Variants in NKPD1 observed in about 807,000 individuals in gnomAD.
NKPD1 encodes the protein NTPase KAP family P-loop domain-containing protein 1.
In NKPD1, 37 loss-of-function variants were observed where a neutral mutation model predicts 42.2. The ratio of observed to expected loss-of-function variants is 0.88; its 90% confidence interval spans 0.67 to 1.15. The LOEUF is 1.15. NKPD1 is among the 50% of genes most tolerant of loss of function. The pLI is 0.00. For missense variants in NKPD1, 1,113 were observed against 1,174.6 expected (o/e 0.95, Z 0.77); for synonymous variants, 552 against 536.5 (o/e 1.03, Z -0.40).
At position 45,153,610 on chromosome 19, in the gene NKPD1, A is replaced by C; in HGVS notation, c.827T>G (p.Phe276Cys). The C allele has an allele frequency of 6.3e-7, 1 of 1,577,034 alleles. No individual in the cohort carries two copies. Reference protein sequence around the residue: ...EVHLRRRNVQFLFIRFSAWQY... With the variant: ...EVHLRRRNVQCLFIRFSAWQY... ...CCAGGCGCTAAAGCGGATGAAAAGGAACTGCACGTTCCTGCGCCGCAGGTG... is the reference window on the plus strand; with the variant it reads ...CCAGGCGCTAAAGCGGATGAAAAGGCACTGCACGTTCCTGCGCCGCAGGTG... The change falls in exon 5 of 5, where the codon TTC (phenylalanine) becomes TGC (cysteine). Residue 276 changes from phenylalanine to cysteine, a missense_variant. Phe to Cys is a radical substitution (Grantham distance 205, BLOSUM62 -2). Coordinates refer to ENST00000686631, the MANE Select transcript of NKPD1 (RefSeq NM_198478.4).
rs1041776616 is a variant in NKPD1 at position 45,150,699 on chromosome 19, C to G, written c.*1239G>C. ...GAAGATCATAGAGGGCTCCCACTGA[C>G]CTGCATGCACCTGTGACAATTGCTG... On this transcript the variant is annotated 3_prime_UTR_variant, in exon 5 of 5. Transcript: ENST00000686631. 6.6e-6 allele frequency: 1 copy of G among 152,290 alleles called. No homozygotes were observed. Among genetic ancestry groups the G allele is most frequent in the Non-Finnish European group, 1.5e-5 (1 of 68,102 alleles). 9.4% of individuals were successfully genotyped at this position (152,290 alleles called of 1,614,324 possible).
At position 45,160,359 on chromosome 19, in the gene NKPD1, G is replaced by A. The variant is rs565805493; in HGVS notation, c.-71-138C>T. On this transcript the variant is annotated intron_variant, in intron 1 of 4. Coordinates refer to ENST00000686631, the MANE Select transcript of NKPD1 (RefSeq NM_198478.4). ...GGGTAGAGGTGGCCTTCAGGGTACA[G>A]TGAGGGGCAGGATAAGGAGGGATGG... is the stretch of plus-strand genomic sequence containing the variant. Among the ~76,000 whole-genome samples, 70 of 152,328 alleles carry A rather than the reference G, an allele frequency of 4.6e-4. No homozygotes were observed. The South Asian group carries it at 7.5e-3, about 16-fold the overall frequency.
intron 3 of NKPD1, among the ~76,000 whole-genome samples, chr19:45,157,982 C>G (rs1368104227): frequency 6.6e-6 from 1 of 151,658 alleles, no homozygotes; most frequent in Non-Finnish European, 1.5e-5. Context: ...GCTTCAGCCT[C>G]CCAAAGTGCT....
intron 4 of NKPD1, among the ~76,000 whole-genome samples, chr19:45,155,217 C>T (rs1043665075): frequency 1.3e-5 from 2 of 151,982 alleles, no homozygotes; most frequent in Admixed American, 6.6e-5. Flanking sequence ...ACTTGGGAGG[C>T]TGAGGCAGGA....
Position 45,158,594 on chromosome 19 carries a change from A to G in NKPD1, c.529+69T>C, listed in dbSNP as rs967398978. On this transcript the variant is annotated intron_variant, in intron 3 of 4. Coordinates refer to ENST00000686631, the MANE Select transcript of NKPD1 (RefSeq NM_198478.4). The surrounding 1 kb of genome is among the most constrained non-coding windows in gnomAD (Gnocchi z 4.6). ...AGGTGCAAGATGCTAGGCAGGGAGC[A>G]AGGAGAGCAGGTGGGAAGTGAGGCG... 1.7e-5 allele frequency: 19 copies of G among 1,142,254 alleles called. No individual in the cohort carries two copies. Among genetic ancestry groups the G allele is most frequent in the Middle Eastern group, 4.0e-4 (1 of 2,504 alleles). The allele number at this position is 1,142,254 out of a possible 1,614,324, so 70.8% of individuals were successfully genotyped here. A position where few individuals can be genotyped will look rare whatever the true frequency, so the allele number is the denominator to read the frequency against.
At chr19:45,161,948 C>A (rs1019018829), upstream of NKPD1, among the ~76,000 whole-genome samples, 1 of 151,294 alleles carries the variant, frequency 6.6e-6, no homozygotes, top group Non-Finnish European at 1.5e-5. Flanking sequence ...AAACACTGCT[C>A]CCTACGGCCA....
rs2122801949 is a variant in NKPD1 at position 45,160,170 on chromosome 19, G to A, written c.-20C>T. 7.7e-7 allele frequency: 1 copy of A among 1,293,400 alleles called. No homozygotes were observed. The highest frequency in any genetic ancestry group is 5.6e-5 in the East Asian group (1 of 17,930). 80.1% of individuals were successfully genotyped at this position (1,293,400 alleles called of 1,614,324 possible). ...GTGCATGGCAGCCGGGCAGCTGGGT[G>A]CTGGGGGCCTGCTCCTGAGGCAGGA... On this transcript the variant is annotated 5_prime_UTR_variant, in exon 2 of 5. Coordinates refer to ENST00000686631, the MANE Select transcript of NKPD1 (RefSeq NM_198478.4).
At position 45,152,856 on chromosome 19, in the gene NKPD1, G is replaced by C; in HGVS notation, c.1581C>G (p.Phe527Leu). The change falls in exon 5 of 5, where the codon TTC becomes TTG. Residue 527 changes from phenylalanine to leucine, a missense_variant. Physicochemically the swap from Phe to Leu is conservative, Grantham distance 22 (BLOSUM62 0). Transcript: ENST00000686631. ...TGCGGCGGCCCATAATGGGCACAGAGAAGGGCAGCGTGACAGTGCGGTTGA... is the reference window on the plus strand; with the variant it reads ...TGCGGCGGCCCATAATGGGCACAGACAAGGGCAGCGTGACAGTGCGGTTGA... ...LFLNRTVTLP[F>L]SVPIMGRRTK... The C allele has an allele frequency of 6.3e-7, 1 of 1,592,094 alleles. No individual in the cohort carries two copies. Among genetic ancestry groups the C allele is most frequent in the African/African-American group, 1.3e-5 (1 of 74,598 alleles).
chr19:45,152,421 C>T lies in NKPD1; in HGVS notation c.2016G>A (p.Gln672=), dbSNP rs1968803830. Residue 672 remains glutamine, a synonymous_variant, in exon 5 of 5, where the codon CAG becomes CAA. Coordinates refer to ENST00000686631, the MANE Select transcript of NKPD1 (RefSeq NM_198478.4). Reference sequence around the variant, plus strand: ...CGGTCTGCTGCCGGTCCTCCAGGCACTGCAGCGCCCAGCTCAGGCGGCACG... The same window carrying T: ...CGGTCTGCTGCCGGTCCTCCAGGCATTGCAGCGCCCAGCTCAGGCGGCACG... ...QWPCRLSWAL[Q]CLEDRQQTGG... is the part of the protein sequence containing the mutation. 6 of 1,570,072 alleles carry T rather than the reference C, an allele frequency of 3.8e-6. No homozygotes were observed. Among genetic ancestry groups the T allele is most frequent in the Non-Finnish European group, 5.2e-6 (6 of 1,160,116 alleles).
At chr19:45,159,881 C>CG (rs1328927840) in intron 2 of NKPD1, among the ~76,000 whole-genome samples, 179 bp downstream of exon 2, 2 of 152,220 alleles carry the variant, frequency 1.3e-5, no homozygotes, top group East Asian at 3.9e-4. Context: ...TCTTTGGGCC[C>CG]GCAGGCCCTG....
At position 45,160,213 on chromosome 19, in the gene NKPD1, G is replaced by GCGT. The variant is rs896624266; in HGVS notation, c.-66_-64dup. 5 of 1,059,402 alleles carry GCGT rather than the reference G, an allele frequency of 4.7e-6. No homozygotes were observed. In the Admixed American group the frequency reaches 1.2e-4, roughly 25 times the overall value. The allele number at this position is 1,059,402 out of a possible 1,614,324, so 65.6% of individuals were successfully genotyped here. A position where few individuals can be genotyped will look rare whatever the true frequency, so the allele number is the denominator to read the frequency against. ...AGGCAGGAGGGAGCACACAGGCTTG[G>GCGT]CGTAGCCTCTGGGGCACGAACAGCA... On this transcript the variant is annotated 5_prime_UTR_variant, in exon 2 of 5. Transcript: ENST00000686631.
At chr19:45,161,717 C>G (rs914004055), upstream of NKPD1, among the ~76,000 whole-genome samples, 11 of 152,346 alleles carry the variant, frequency 7.2e-5, no homozygotes, top group South Asian at 2.1e-4. Flanking sequence ...CACAGATGCC[C>G]TCTGAGGGGT....
chr19:45,153,588 G>C lies in NKPD1; in HGVS notation c.849C>G (p.Ala283=). The part of the protein sequence containing the change: ...NVQFLFIRFS[A]WQYAGTDKLW... ...GCTTGTCGGTGCCCGCGTACTGCCA[G>C]GCGCTAAAGCGGATGAAAAGGAACT... is the stretch of plus-strand genomic sequence containing the variant. Residue 283 remains alanine, a synonymous_variant, in exon 5 of 5, where the codon GCC becomes GCG. Coordinates refer to ENST00000686631, the MANE Select transcript of NKPD1 (RefSeq NM_198478.4). 1 of 1,566,770 alleles carries C rather than the reference G, an allele frequency of 6.4e-7. No homozygotes were observed. Among genetic ancestry groups the C allele is most frequent in the Non-Finnish European group, 8.7e-7 (1 of 1,153,334 alleles).
rs541368411 is a variant in NKPD1 at position 45,158,748 on chromosome 19, G to A, written c.444C>T (p.Gly148=). Reference sequence around the variant, plus strand: ...TGGGCTCGCTGGGCTTCAGGAGGACGCCAGCCGCGGAGGGTAGAGCTGGGC... The same window carrying A: ...TGGGCTCGCTGGGCTTCAGGAGGACACCAGCCGCGGAGGGTAGAGCTGGGC... ...RSGPALPSAA[G]VLLKPSEPTD... is the part of the protein sequence containing the mutation. Residue 148 remains glycine, a synonymous_variant, in exon 3 of 5, where the codon GGC becomes GGT. Transcript: ENST00000686631. This position sits in a 1 kb window ranked among gnomAD's most constrained non-coding sequence, Gnocchi z 4.6. 9.9e-5 allele frequency: 120 copies of A among 1,213,872 alleles called. No homozygotes were observed. The highest frequency in any genetic ancestry group is 6.1e-4 in the Admixed American group (18 of 29,676). 75.2% of individuals were successfully genotyped at this position (1,213,872 alleles called of 1,614,324 possible).
chr19:45,157,645 G>A (rs2091057588), intron 3 of NKPD1, among the ~76,000 whole-genome samples: 1 of 150,988 alleles, frequency 6.6e-6, no homozygotes, highest in Non-Finnish European at 1.5e-5. Flanking sequence ...GGAACTCCTG[G>A]CCTCAAGCGA....
Position 45,151,821 on chromosome 19 carries a change from G to A in NKPD1, c.*117C>T, listed in dbSNP as rs1381099781. The A allele has an allele frequency of 2.7e-6, 3 of 1,121,094 alleles. No individual in the cohort carries two copies. The highest frequency in any genetic ancestry group is 3.3e-5 in the African/African-American group (2 of 61,186). 69.4% of individuals were successfully genotyped at this position (1,121,094 alleles called of 1,614,324 possible). A position where few individuals can be genotyped will look rare whatever the true frequency, so the allele number is the denominator to read the frequency against. On this transcript the variant is annotated 3_prime_UTR_variant, in exon 5 of 5. Transcript: ENST00000686631. ...GGCTCTGGCTCAGGTTCACCTGGGGGTGTGGGCCTCACAGGGCTCATTCGG... is the reference window on the plus strand; with the variant it reads ...GGCTCTGGCTCAGGTTCACCTGGGGATGTGGGCCTCACAGGGCTCATTCGG...
intron 2 of NKPD1, 25 bp from the exon 3 acceptor site, chr19:45,159,125 C>G (rs1968961169): frequency 1.0e-5 from 13 of 1,260,290 alleles, no homozygotes; most frequent in Non-Finnish European, 1.3e-5. Context: ...GTGGGGGTGA[C>G]TGGGCCTGTG....
chr19:45,160,036 C>A (rs532837368), intron 2 of NKPD1, 24 bp downstream of exon 2: 4 of 1,271,408 alleles, frequency 3.1e-6, no homozygotes, highest in Admixed American at 4.7e-5. Context: ...TCGGCCATCA[C>A]CCGCCCCCAA....
intron 4 of NKPD1, among the ~76,000 whole-genome samples, chr19:45,155,144 C>A (rs1324971235): frequency 6.6e-6 from 1 of 151,056 alleles, no homozygotes; most frequent in Admixed American, 6.6e-5. Flanking sequence ...CATGGTAAAA[C>A]CCCGTCTACT....
Sources: allele counts gnomAD v4.1 joint callset (sites outside exome capture counted in the v4.1 genomes callset), GRCh38; gene constraint gnomAD v4.1.1; non-coding constraint Gnocchi (gnomAD v3.1); transcripts MANE v1.5; gene names NCBI Gene and HGNC (gene_info 2026-07-23, HGNC 2026-07-21).